Variants in LRRFIP1 observed in about 807,000 individuals in gnomAD.
LRRFIP1 encodes the protein LRR binding FLII interacting protein 1, also known as leucine-rich repeat flightless-interacting protein 1.
LRRFIP1 carries 62 observed loss-of-function variants against 104.4 expected under a neutral mutation model. That is an observed-to-expected ratio of 0.59 (90% CI 0.48 to 0.73). The LOEUF (loss-of-function observed/expected upper bound fraction) is 0.73. LRRFIP1 is among the 30% of genes least tolerant of loss of function. The pLI, the probability that LRRFIP1 is intolerant of heterozygous loss-of-function variation, is 0.00. For missense variants in LRRFIP1, 796 were observed against 824.5 expected, an observed-to-expected ratio of 0.97 and a Z score of 0.42; for synonymous variants, 300 against 299.0, an observed-to-expected ratio of 1.00 and a Z score of -0.03.
intron 18 of LRRFIP1, among the ~76,000 whole-genome samples, chr2:237,759,387 T>C (rs879770035): frequency 1.1e-4 from 16 of 152,132 alleles, no homozygotes; most frequent in Non-Finnish European, 1.9e-4. Flanking sequence ...CTGCTTGGCC[T>C]CCAGGGTCAA....
At chr2:237,632,667 G>T (rs762074439) in intron 1 of LRRFIP1, among the ~76,000 whole-genome samples, 1 of 152,208 alleles carries the variant, frequency 6.6e-6, no homozygotes, top group Non-Finnish European at 1.5e-5. Flanking sequence ...GGAGAACCAA[G>T]CTGGGGATGG....
chr2:237,713,168 A>C (rs2094181548), intron 2 of LRRFIP1, among the ~76,000 whole-genome samples: 1 of 151,912 alleles, frequency 6.6e-6, no homozygotes, highest in Admixed American at 6.6e-5. Context: ...GGTGGCGAGG[A>C]GACACCAGTG....
At chr2:237,670,030 G>A (rs919409967) in intron 1 of LRRFIP1, among the ~76,000 whole-genome samples, 35 of 152,244 alleles carry the variant, frequency 2.3e-4, no homozygotes, top group Non-Finnish European at 4.7e-4. Context: ...GTTTTCCTGT[G>A]TTCTTGGGCA....
rs772869203 is a variant in LRRFIP1, at chr2:237,697,188, A to G, written c.97-11356A>G. Among the ~76,000 whole-genome samples the G allele has an allele frequency of 2.6e-5, 4 of 151,932 alleles. No individual in the cohort carries two copies. The South Asian group carries it at 6.2e-4, about 24-fold the overall frequency. On this transcript the variant is annotated intron_variant, in intron 1 of 23. Coordinates refer to ENST00000308482, the MANE Select transcript of LRRFIP1 (RefSeq NM_001137550.2). ...CAGGTGCCTGCCACCTCACCCGGCT[A>G]ATTTTTGTATTTTTAGTAGAGATGG...
chr2:237,740,040 G>A (rs772431942), intron 11 of LRRFIP1, among the ~76,000 whole-genome samples: 11 of 152,086 alleles, frequency 7.2e-5, no homozygotes, highest in Non-Finnish European at 1.2e-4. Flanking sequence ...ACCCTCAAGA[G>A]CCAGTGAGAA....
chr2:237,684,784 T>G (rs1359564020), intron 1 of LRRFIP1, among the ~76,000 whole-genome samples: 4 of 152,100 alleles, frequency 2.6e-5, no homozygotes, highest in Admixed American at 6.6e-5. Flanking sequence ...CAGTGCATTG[T>G]CTTCATGAAA....
intron 1 of LRRFIP1, among the ~76,000 whole-genome samples, chr2:237,633,488 C>T (rs1432422400): frequency 6.7e-6 from 1 of 149,644 alleles, no homozygotes; most frequent in Non-Finnish European, 1.5e-5. Context: ...TTGAGCCACT[C>T]GTTGGCCTGG....
chr2:237,696,910 G>T (rs1438310607), intron 1 of LRRFIP1, among the ~76,000 whole-genome samples: 1 of 152,208 alleles, frequency 6.6e-6, no homozygotes, highest in Non-Finnish European at 1.5e-5. Flanking sequence ...TGCCTCTTAG[G>T]ACAGAAGTCC....
chr2:237,673,232 G>A (rs1224626310), intron 1 of LRRFIP1, among the ~76,000 whole-genome samples: 1 of 152,218 alleles, frequency 6.6e-6, no homozygotes, highest in East Asian at 1.9e-4. Context: ...TCACCACCAG[G>A]CGGCATAACA....
At position 237,762,650 on chromosome 2, in the gene LRRFIP1, G is replaced by A. The variant is rs140355755; in HGVS notation, c.1459+2445G>A. 43 of 1,610,456 alleles carry A rather than the reference G, an allele frequency of 2.7e-5. No homozygotes were observed. In the African/African-American group the frequency reaches 5.6e-4, roughly 21 times the overall value. Reference sequence around the variant, plus strand: ...GAAAAATGAAATCGTGGCGAATGTGGGGAAAAGAGAAATCTTGCACAATAC... The same window carrying A: ...GAAAAATGAAATCGTGGCGAATGTGAGGAAAAGAGAAATCTTGCACAATAC... On this transcript the variant is annotated intron_variant, in intron 19 of 23. Coordinates refer to ENST00000308482, the MANE Select transcript of LRRFIP1 (RefSeq NM_001137550.2).
chr2:237,692,346 T>G (rs980788239), intron 1 of LRRFIP1: 38 of 1,262,834 alleles, frequency 3.0e-5, no homozygotes, highest in Middle Eastern at 3.1e-4. Context: ...TAGCGGCGAG[T>G]GGCTCCGTCT....
At chr2:237,656,039 T>C (rs2086762272) in intron 1 of LRRFIP1, among the ~76,000 whole-genome samples, 2 of 152,256 alleles carry the variant, frequency 1.3e-5, no homozygotes, top group Admixed American at 1.3e-4. Flanking sequence ...CATTTTGATT[T>C]TGACCTTAAC....
chr2:237,633,771 A>G (rs951305880), intron 1 of LRRFIP1, among the ~76,000 whole-genome samples: 11 of 152,056 alleles, frequency 7.2e-5, no homozygotes, highest in Non-Finnish European at 1.3e-4. Context: ...GCCACCTATT[A>G]ATTAGGGGCT....
At chr2:237,760,226 G>A (rs902863754) in intron 19 of LRRFIP1, 21 bp downstream of exon 19, 12 of 1,612,738 alleles carry the variant, frequency 7.4e-6, no homozygotes, top group Non-Finnish European at 1.0e-5. Flanking sequence ...GCTTTCCTTC[G>A]GCTCCTCACA....
intron 1 of LRRFIP1, among the ~76,000 whole-genome samples, chr2:237,676,963 G>A (rs973662744): frequency 5.9e-5 from 9 of 152,178 alleles, no homozygotes; most frequent in East Asian, 1.9e-4. Flanking sequence ...GCTGGCTTTC[G>A]TCTTCCTCCT....
At chr2:237,752,184 T>A (rs776235712) in intron 14 of LRRFIP1, among the ~76,000 whole-genome samples, 16 of 152,134 alleles carry the variant, frequency 1.1e-4, no homozygotes, top group Non-Finnish European at 1.9e-4. Flanking sequence ...GGTGGGTGGA[T>A]CACCGGAGGT....
At chr2:237,643,197 C>T (rs950014550) in intron 1 of LRRFIP1, among the ~76,000 whole-genome samples, 1 of 152,268 alleles carries the variant, frequency 6.6e-6, no homozygotes, top group African/African-American at 2.4e-5. Flanking sequence ...AGGGCCGCCG[C>T]GCACTCGCTA....
chr2:237,749,239 CCT>C lies in LRRFIP1; in HGVS notation c.715_716del (p.Leu239GlyfsTer30). 1.2e-6 allele frequency: 2 copies of C among 1,613,942 alleles called. No homozygotes were observed. Among genetic ancestry groups the C allele is most frequent in the Non-Finnish European group, 1.7e-6 (2 of 1,179,994 alleles). On this transcript the variant is annotated frameshift_variant, in exon 13 of 24. Transcript: ENST00000308482. LOFTEE classifies it high-confidence loss of function. ...CCGGGCCTGTCTGCAGCCACGCTGG[CCT>C]CTCTGGGTGGGACTTCCTCTCGGAG... is the stretch of plus-strand genomic sequence containing the variant.
At chr2:237,778,490 C>T (rs930958124) in intron 23 of LRRFIP1, among the ~76,000 whole-genome samples, 5 of 152,204 alleles carry the variant, frequency 3.3e-5, no homozygotes, top group African/African-American at 7.2e-5. Flanking sequence ...CAGGTGTGGC[C>T]GTCTTGGCCT....
Sources: allele counts gnomAD v4.1 joint callset (sites outside exome capture counted in the v4.1 genomes callset), GRCh38; gene constraint gnomAD v4.1.1; transcripts MANE v1.5; gene names NCBI Gene and HGNC (gene_info 2026-07-23, HGNC 2026-07-21).